RSRC1: variants seen among roughly 807,000 people sequenced by gnomAD.
RSRC1 encodes the protein arginine and serine rich coiled-coil 1, also known as serine/Arginine-related protein 53.
In RSRC1, 39 loss-of-function variants were observed where a neutral mutation model predicts 49.1. The ratio of observed to expected loss-of-function variants is 0.79; its 90% confidence interval spans 0.61 to 1.04. RSRC1 has a LOEUF of 1.04. RSRC1 is among the 50% of genes least tolerant of loss of function. The probability of loss-of-function intolerance (pLI) is 0.00; values close to 1 mark genes in which losing one functional copy is unlikely to be tolerated. For synonymous variants in RSRC1, 143 were observed against 130.8 expected (o/e 1.09, Z -0.63); for missense variants, 388 against 402.4 (o/e 0.96, Z 0.31).
intron 3 of RSRC1, among the ~76,000 whole-genome samples, chr3:158,143,366 A>C (rs1214505864): frequency 6.6e-6 from 1 of 152,218 alleles, no homozygotes; most frequent in Admixed American, 6.5e-5. Flanking sequence ...TGAAAGAGTA[A>C]TGCATTGAAT....
intron 4 of RSRC1, among the ~76,000 whole-genome samples, chr3:158,259,866 G>A (rs1475005740): frequency 6.6e-6 from 1 of 152,122 alleles, no homozygotes; most frequent in Non-Finnish European, 1.5e-5. Flanking sequence ...ACTGCCGCAG[G>A]GCTGTGGTGA....
At chr3:158,369,185 C>T (rs938003266) in intron 6 of RSRC1, among the ~76,000 whole-genome samples, 1 of 151,930 alleles carries the variant, frequency 6.6e-6, no homozygotes, top group African/African-American at 2.4e-5. Context: ...TGTTTCCTAG[C>T]CAAGCAAAAT....
chr3:158,118,365 C>G (rs1420321292), intron 1 of RSRC1, among the ~76,000 whole-genome samples: 5 of 148,608 alleles, frequency 3.4e-5, no homozygotes, highest in Non-Finnish European at 7.4e-5. Flanking sequence ...TCCTGAATAG[C>G]TAGTACTAGA....
chr3:158,379,983 A>G (rs1732615764), intron 6 of RSRC1, among the ~76,000 whole-genome samples: 1 of 150,186 alleles, frequency 6.7e-6, no homozygotes. Context: ...TGCTTTGTTC[A>G]CTTTTGGATC....
intron 7 of RSRC1, among the ~76,000 whole-genome samples, chr3:158,529,599 A>G (rs1052633652): frequency 7.2e-5 from 11 of 151,914 alleles, no homozygotes; most frequent in African/African-American, 2.7e-4. Context: ...TGCTGTTACT[A>G]TTACTTACTT....
intron 4 of RSRC1, among the ~76,000 whole-genome samples, chr3:158,297,345 C>T (rs1727289023): frequency 1.3e-5 from 2 of 151,930 alleles, no homozygotes; most frequent in Non-Finnish European, 2.9e-5. Context: ...TTTTCAGTTC[C>T]ATAAGCAGTC....
At chr3:158,199,825 A>G (rs1057473287) in intron 3 of RSRC1, among the ~76,000 whole-genome samples, 1 of 152,032 alleles carries the variant, frequency 6.6e-6, no homozygotes, top group Admixed American at 6.6e-5. Context: ...GGTTTTCTGT[A>G]TGTCTTATTG....
chr3:158,302,309 T>A lies in RSRC1; in HGVS notation c.531+4234T>A, dbSNP rs189436205. Among the ~76,000 whole-genome samples the A allele has an allele frequency of 2.4e-4, 36 of 152,302 alleles. 1 individual carries two copies. The highest frequency in any genetic ancestry group is 2.4e-3 in the Admixed American group (36 of 15,294). ...TCAGGTTCCAAGAAGTGATGCTGCA[T>A]ACTCAGTGGATTTGTGTTATAGCTC... On this transcript the variant is annotated intron_variant, in intron 5 of 9. Transcript: ENST00000611884.
chr3:158,294,412 T>A (rs1033235343), intron 4 of RSRC1, among the ~76,000 whole-genome samples: 10 of 152,300 alleles, frequency 6.6e-5, no homozygotes, highest in African/African-American at 1.9e-4. Context: ...AATCATCTCT[T>A]TGAAGATGTT....
intron 4 of RSRC1, among the ~76,000 whole-genome samples, chr3:158,264,619 A>T (rs926282702): frequency 6.6e-6 from 1 of 152,180 alleles, no homozygotes; most frequent in Non-Finnish European, 1.5e-5. Context: ...TCCAACCATT[A>T]TACTGGATTT....
At chr3:158,411,140 T>A (rs1185419481) in intron 6 of RSRC1, among the ~76,000 whole-genome samples, 1 of 152,178 alleles carries the variant, frequency 6.6e-6, no homozygotes, top group Non-Finnish European at 1.5e-5. Flanking sequence ...CATTTTGTGC[T>A]ATATAATATT....
intron 5 of RSRC1, among the ~76,000 whole-genome samples, chr3:158,350,780 A>G (rs1016681079): frequency 5.3e-5 from 8 of 152,116 alleles, no homozygotes; most frequent in African/African-American, 4.8e-5. Flanking sequence ...ATTAAGGTAT[A>G]ATTTCTGGTT....
intron 5 of RSRC1, among the ~76,000 whole-genome samples, chr3:158,337,253 G>A (rs1297460236): frequency 6.6e-6 from 1 of 152,220 alleles, no homozygotes; most frequent in African/African-American, 2.4e-5. Context: ...TGGGGCTGCA[G>A]AAGTCCTTGC....
intron 3 of RSRC1, among the ~76,000 whole-genome samples, chr3:158,196,426 T>A (rs563403913): frequency 6.6e-6 from 1 of 152,308 alleles, no homozygotes; most frequent in East Asian, 1.9e-4. Context: ...TTTCTAGATA[T>A]ACAATCACGT....
rs569405974 is a variant in RSRC1, at chr3:158,191,725, T to A, written c.321-11347T>A. ...GACTTCTAGAGTGATTTATCAGAAA[T>A]ATACTTATTTAAGGAATGAGGGACA... On this transcript the variant is annotated intron_variant, in intron 3 of 9. Transcript: ENST00000611884. Among the ~76,000 whole-genome samples the A allele has an allele frequency of 1.7e-3, 263 of 151,062 alleles. 2 individuals are homozygous for A. The highest frequency in any genetic ancestry group is 6.0e-3 in the African/African-American group (249 of 41,428).
chr3:158,196,967 T>C (rs1473159490), intron 3 of RSRC1, among the ~76,000 whole-genome samples: 1 of 152,200 alleles, frequency 6.6e-6, no homozygotes, highest in East Asian at 1.9e-4. Flanking sequence ...ATTCTCTTTT[T>C]TTGTTGTGTC....
intron 4 of RSRC1, among the ~76,000 whole-genome samples, chr3:158,241,726 T>G (rs906355201): frequency 2.6e-5 from 4 of 152,038 alleles, no homozygotes; most frequent in Non-Finnish European, 5.9e-5. Context: ...TATCGACTCT[T>G]CTAGGTAAAT....
intron 3 of RSRC1, among the ~76,000 whole-genome samples, chr3:158,145,633 A>G (rs1017699382): frequency 3.3e-5 from 5 of 152,292 alleles, no homozygotes; most frequent in Middle Eastern, 3.4e-3. Flanking sequence ...TTGGTTCCAT[A>G]TGAACTTTAA....
intron 1 of RSRC1, among the ~76,000 whole-genome samples, chr3:158,111,077 C>A (rs887401461): frequency 2.0e-5 from 3 of 152,162 alleles, no homozygotes; most frequent in East Asian, 3.8e-4. Context: ...CTTATGTTGT[C>A]ACAAGAAAGC....
Sources: allele counts gnomAD v4.1 joint callset (sites outside exome capture counted in the v4.1 genomes callset), GRCh38; gene constraint gnomAD v4.1.1; transcripts MANE v1.5; gene names NCBI Gene and HGNC (gene_info 2026-07-23, HGNC 2026-07-21).